Variants in CREB3L2 observed in about 807,000 individuals in gnomAD.
The protein encoded by CREB3L2 is cyclic AMP-responsive element-binding protein 3-like protein 2.
CREB3L2 carries 23 observed loss-of-function variants against 57.2 expected under a neutral mutation model. The observed-to-expected ratio is 0.40, with a 90% CI of 0.29 to 0.57. The LOEUF is 0.57. CREB3L2 is among the 20% of genes least tolerant of loss of function. The pLI is 0.42. For synonymous variants in CREB3L2, 268 were observed against 265.1 expected, an observed-to-expected ratio of 1.01 and a Z score of -0.11; for missense variants, 628 against 634.7, an observed-to-expected ratio of 0.99 and a Z score of 0.11.
chr7:137,913,159 G>C, intron 3 of CREB3L2, 81 bp from the exon 4 acceptor site: 2 of 1,411,364 alleles, frequency 1.4e-6, no homozygotes, highest in Non-Finnish European at 1.9e-6. Flanking sequence ...TTTGTCACCT[G>C]TGTCTTCCTC....
chr7:137,908,555 A>C, intron 4 of CREB3L2, 119 bp from the exon 5 acceptor site: 1 of 625,854 alleles, frequency 1.6e-6, no homozygotes, highest in Non-Finnish European at 2.3e-6. Flanking sequence ...ACAGATCTCC[A>C]AGGTGCAGAG....
chr7:137,899,994 G>A (rs1408712450), intron 8 of CREB3L2, among the ~76,000 whole-genome samples: 1 of 152,216 alleles, frequency 6.6e-6, no homozygotes, highest in East Asian at 1.9e-4. Context: ...TACCCAGTAA[G>A]TCCATTTTTC....
chr7:137,983,829 C>T (rs1233369413), intron 1 of CREB3L2, among the ~76,000 whole-genome samples: 1 of 152,196 alleles, frequency 6.6e-6, no homozygotes, highest in East Asian at 1.9e-4. Flanking sequence ...AGGCTGGATT[C>T]CAGGTTCTGC....
At chr7:137,920,766 G>A (rs966435249) in intron 2 of CREB3L2, among the ~76,000 whole-genome samples, 1 of 152,214 alleles carries the variant, frequency 6.6e-6, no homozygotes, top group Non-Finnish European at 1.5e-5. Context: ...TATGAAGAAA[G>A]TCAGCCAGTA....
In CREB3L2 at chr7:137,946,866, ATATATATAGTTATC is replaced by A. The variant is rs1563262289; in HGVS notation, c.103-18514_103-18501del. On this transcript the variant is annotated intron_variant, in intron 1 of 11. Transcript: ENST00000330387. Reference sequence around the variant, plus strand: ...TATCTATATAGTTATCTATATAGTTATATATATAGTTATCTATATAGTTATATATATAGTTATAT... The same window carrying A: ...TATCTATATAGTTATCTATATAGTTATATATAGTTATATATATAGTTATAT... Among the ~76,000 whole-genome samples, 131 of 28,886 alleles carry A rather than the reference ATATATATAGTTATC, an allele frequency of 4.5e-3. 6 individuals are homozygous for A. Among genetic ancestry groups the A allele is most frequent in the South Asian group, 0.012 (11 of 918 alleles). The allele number at this position is 28,886 out of a possible 152,430, so 19.0% of individuals were successfully genotyped here.
intron 1 of CREB3L2, among the ~76,000 whole-genome samples, chr7:137,941,051 C>T (rs1253181799): frequency 6.6e-6 from 1 of 152,228 alleles, no homozygotes; most frequent in Non-Finnish European, 1.5e-5. Flanking sequence ...GTATGCCCCA[C>T]CTCTCTGGAA....
At chr7:137,956,908 G>C (rs1801225571) in intron 1 of CREB3L2, among the ~76,000 whole-genome samples, 1 of 152,212 alleles carries the variant, frequency 6.6e-6, no homozygotes, top group Non-Finnish European at 1.5e-5. Context: ...TAACCCAGTA[G>C]TGAAGAGCTA....
intron 5 of CREB3L2, 138 bp from the exon 6 acceptor site, chr7:137,905,986 G>A (rs1799884894): frequency 5.3e-6 from 4 of 755,654 alleles, no homozygotes; most frequent in Non-Finnish European, 8.4e-6. Context: ...ATCTGCTTTG[G>A]GTGACAGATG....
intron 3 of CREB3L2, among the ~76,000 whole-genome samples, chr7:137,913,451 G>A (rs1436816928): frequency 2.0e-5 from 3 of 147,540 alleles, no homozygotes; most frequent in Non-Finnish European, 3.0e-5. Context: ...AGGCTGCAGC[G>A]AGCTGTGATC....
Position 137,919,666 on chromosome 7 carries a change from A to T in CREB3L2, c.320-3654T>A, listed in dbSNP as rs566664209. On this transcript the variant is annotated intron_variant, in intron 2 of 11. Transcript: ENST00000330387. ...ACAAAACACTGAAAATAACCAAAACATTAAAAAGCAAGAGAAAGGTTAAGT... is the reference window on the plus strand; with the variant it reads ...ACAAAACACTGAAAATAACCAAAACTTTAAAAAGCAAGAGAAAGGTTAAGT... 7.9e-4 allele frequency among the ~76,000 whole-genome samples: 121 copies of T among 152,374 alleles called. 1 individual carries two copies. Among genetic ancestry groups the T allele is most frequent in the African/African-American group, 2.8e-3 (118 of 41,588 alleles).
At chr7:137,899,298 T>C (rs114404898) in intron 8 of CREB3L2, among the ~76,000 whole-genome samples, 1,890 of 151,812 alleles carry the variant, frequency 0.012, 51 homozygotes, top group African/African-American at 0.044. Context: ...GCTGCCCCCA[T>C]GTGGCCCAGG....
chr7:137,992,470 C>T (rs1464975147), intron 1 of CREB3L2, among the ~76,000 whole-genome samples: 1 of 152,194 alleles, frequency 6.6e-6, no homozygotes, highest in Non-Finnish European at 1.5e-5. Context: ...AACATCCCAG[C>T]TCTTCTTTGA....
chr7:137,922,754 T>C, intron 2 of CREB3L2: 1 of 373,640 alleles, frequency 2.7e-6, no homozygotes, highest in Non-Finnish European at 5.6e-6. Context: ...CCATTTACTA[T>C]TTATGTAACA....
In CREB3L2 at chr7:137,888,543, C is replaced by T. The variant is rs559783300; in HGVS notation, c.1044-3041G>A. On this transcript the variant is annotated intron_variant, in intron 8 of 11. Coordinates refer to ENST00000330387, the MANE Select transcript of CREB3L2 (RefSeq NM_194071.4). Reference sequence around the variant, plus strand: ...TTCACTGGCCGAAGCATATATTTGACTCTCTATCACCTGTAATGCCAGCCC... The same window carrying T: ...TTCACTGGCCGAAGCATATATTTGATTCTCTATCACCTGTAATGCCAGCCC... 8.7e-4 allele frequency among the ~76,000 whole-genome samples: 133 copies of T among 152,090 alleles called. 4 individuals carry two copies. Among genetic ancestry groups the T allele is most frequent in the Non-Finnish European group, 2.1e-4 (14 of 67,960 alleles).
intron 1 of CREB3L2, among the ~76,000 whole-genome samples, chr7:137,989,609 C>G (rs1289326551): frequency 6.6e-6 from 1 of 152,036 alleles, no homozygotes; most frequent in Non-Finnish European, 1.5e-5. Context: ...TAATCCCTCA[C>G]CAGGATCCTA....
intron 1 of CREB3L2, among the ~76,000 whole-genome samples, chr7:137,963,878 T>C (rs138741318): frequency 2.6e-4 from 39 of 152,340 alleles, no homozygotes; most frequent in Middle Eastern, 3.4e-3. Flanking sequence ...TAGGATAGTA[T>C]TTGACATATC....
chr7:137,902,365 T>C (rs1192481176), intron 7 of CREB3L2, among the ~76,000 whole-genome samples: 1 of 152,074 alleles, frequency 6.6e-6, no homozygotes, highest in Non-Finnish European at 1.5e-5. Flanking sequence ...ACTACAGTAA[T>C]CTGGATACTC....
rs367925068 is a variant in CREB3L2, at chr7:137,912,974, A to G, written c.583+17T>C. ...CCATATCCATAACCCAAAGGGACAC[A>G]GGGAGGGCAGACAGACCTTCTTTAG... is the stretch of plus-strand genomic sequence containing the variant. On this transcript the variant is annotated intron_variant, in intron 4 of 11. Transcript: ENST00000330387. 23 of 1,613,250 alleles carry G rather than the reference A, an allele frequency of 1.4e-5. No homozygotes were observed. Among genetic ancestry groups the G allele is most frequent in the Non-Finnish European group, 2.0e-5 (23 of 1,179,450 alleles).
At chr7:137,950,931 G>A (rs1405564269) in intron 1 of CREB3L2, among the ~76,000 whole-genome samples, 1 of 152,182 alleles carries the variant, frequency 6.6e-6, no homozygotes, top group Non-Finnish European at 1.5e-5. Flanking sequence ...ACTATTCACA[G>A]ATTCCATATT....
Sources: allele counts gnomAD v4.1 joint callset (sites outside exome capture counted in the v4.1 genomes callset), GRCh38; gene constraint gnomAD v4.1.1; transcripts MANE v1.5; gene names NCBI Gene and HGNC (gene_info 2026-07-23, HGNC 2026-07-21).